The following MCC variants were observed in gnomAD, a reference collection of about 807,000 sequenced individuals.
The protein encoded by MCC is colorectal mutant cancer protein.
Under a neutral mutation model 116.2 loss-of-function variants are expected in MCC, and 90 were observed. That is an observed-to-expected ratio of 0.77 (90% CI 0.65 to 0.92). The LOEUF (loss-of-function observed/expected upper bound fraction) is 0.92, where lower values mean the gene tolerates loss of function less well. Ranked by LOEUF, MCC falls within the 40% of genes least tolerant of loss-of-function variation. MCC has a pLI of 0.00. For synonymous variants in MCC, 578 were observed against 510.5 expected (o/e 1.13, Z -1.78); for missense variants, 1,516 against 1,312.2 (o/e 1.16, Z -2.40).
At chr5:113,132,136 TTTGAGTTTTCTA>T (rs1019737285) in intron 5 of MCC, among the ~76,000 whole-genome samples, 1 of 151,822 alleles carries the variant, frequency 6.6e-6, no homozygotes, top group Admixed American at 6.6e-5. Flanking sequence ...ATTTTTTTCT[TTTGAGTTTTCTA>T]TTAACTGGAA....
rs114642755 is a variant in MCC, at chr5:113,231,821, T to A, written c.628-80399A>T. 4.0e-3 allele frequency among the ~76,000 whole-genome samples: 614 copies of A among 152,292 alleles called. 4 individuals carry two copies. Among genetic ancestry groups the A allele is most frequent in the African/African-American group, 0.014 (579 of 41,572 alleles). On this transcript the variant is annotated intron_variant, in intron 3 of 18. Transcript: ENST00000408903. ...CAGTGGGTTTTTGCAAGCTGTCATA[T>A]TTATTATAAGGCTATTTCACATAGT... is the stretch of plus-strand genomic sequence containing the variant.
chr5:113,109,972 T>C (rs1025101258), intron 6 of MCC, among the ~76,000 whole-genome samples: 12 of 152,188 alleles, frequency 7.9e-5, no homozygotes, highest in Non-Finnish European at 1.8e-4. Flanking sequence ...TACTTTATTT[T>C]TTTATTTTAA....
At chr5:113,064,984 T>G (rs1186621337) in intron 13 of MCC, among the ~76,000 whole-genome samples, 1 of 152,168 alleles carries the variant, frequency 6.6e-6, no homozygotes, top group Non-Finnish European at 1.5e-5. Context: ...AGCAAGACCC[T>G]GTCTCCAAAA....
intron 1 of MCC, among the ~76,000 whole-genome samples, chr5:113,419,228 C>T (rs907751317): frequency 4.0e-5 from 6 of 150,498 alleles, no homozygotes; most frequent in African/African-American, 1.2e-4. Context: ...TGGAGTGCAG[C>T]GGCGCTATCA....
At chr5:113,257,317 G>A (rs1360166912) in intron 3 of MCC, among the ~76,000 whole-genome samples, 1 of 152,118 alleles carries the variant, frequency 6.6e-6, no homozygotes, top group African/African-American at 2.4e-5. Context: ...AACCTCTAGA[G>A]AGTACAAGGA....
chr5:113,190,495 G>T (rs1350894872), intron 3 of MCC, among the ~76,000 whole-genome samples: 1 of 152,088 alleles, frequency 6.6e-6, no homozygotes, highest in Non-Finnish European at 1.5e-5. Flanking sequence ...CAAGGAGAAA[G>T]TCTCCAGATT....
At chr5:113,343,146 CT>C (rs1300748967) in intron 2 of MCC, among the ~76,000 whole-genome samples, 2 of 152,176 alleles carry the variant, frequency 1.3e-5, no homozygotes, top group African/African-American at 4.8e-5. Flanking sequence ...CCAGTCTCCT[CT>C]TATCAGGTAT....
chr5:113,224,903 T>C (rs1032345309), intron 3 of MCC, among the ~76,000 whole-genome samples: 5 of 152,024 alleles, frequency 3.3e-5, no homozygotes, highest in South Asian at 4.2e-4. Flanking sequence ...AGGCTGAAAA[T>C]TGAACAGAAG....
intron 11 of MCC, 27 bp downstream of exon 11, chr5:113,082,833 A>T (rs1489933888): frequency 6.2e-7 from 1 of 1,610,008 alleles, no homozygotes; most frequent in African/African-American, 1.3e-5. Context: ...CCTGCCCCAC[A>T]ATCAAATCGA....
At chr5:113,222,805 G>T (rs1489156780) in intron 3 of MCC, among the ~76,000 whole-genome samples, 1 of 152,188 alleles carries the variant, frequency 6.6e-6, no homozygotes, top group African/African-American at 2.4e-5. Context: ...TCCTCAAGGG[G>T]ACCACTGCAC....
intron 3 of MCC, among the ~76,000 whole-genome samples, chr5:113,163,007 T>G (rs10075902): frequency 0.045 from 6,853 of 152,234 alleles, 566 homozygotes; most frequent in African/African-American, 0.16. Context: ...TCAACACGTG[T>G]AATTGAATCA....
At chr5:113,193,371 C>T (rs761264311) in intron 3 of MCC, among the ~76,000 whole-genome samples, 11 of 151,658 alleles carry the variant, frequency 7.3e-5, no homozygotes, top group Non-Finnish European at 1.5e-4. Flanking sequence ...TGGGGGTGGG[C>T]AGGCATTCAA....
intron 6 of MCC, among the ~76,000 whole-genome samples, chr5:113,115,688 G>T (rs556300727): frequency 2.6e-4 from 40 of 152,064 alleles, no homozygotes; most frequent in Non-Finnish European, 4.9e-4. Flanking sequence ...AGTGGTTTCT[G>T]CCAGAACTTT....
chr5:113,384,985 C>T lies in MCC; in HGVS notation c.398G>A (p.Ser133Asn). The change falls in exon 2 of 19, where the codon AGC becomes AAC. Residue 133 changes from serine to asparagine, a missense_variant. By Grantham distance (46) the Ser-to-Asn change is conservative. Coordinates refer to ENST00000408903, the MANE Select transcript of MCC (RefSeq NM_001085377.2). ...ATACCTACCCAAACTGTTGTCACTG[C>T]TCGTGGGCCAGGAAGCAATTCTATC... is the stretch of plus-strand genomic sequence containing the variant. ...LRDRIASWPT[S>N]SDNSLGALSA... The T allele has an allele frequency of 6.2e-7, 1 of 1,614,192 alleles. No individual in the cohort carries two copies. The highest frequency in any genetic ancestry group is 1.1e-5 in the South Asian group (1 of 91,082).
chr5:113,040,755 T>A (rs529484198), intron 17 of MCC, among the ~76,000 whole-genome samples: 2 of 152,272 alleles, frequency 1.3e-5, no homozygotes, highest in African/African-American at 4.8e-5. Context: ...CTCTGTAAGT[T>A]TGTTCTTGGC....
intron 1 of MCC, among the ~76,000 whole-genome samples, chr5:113,410,483 T>C (rs976583132): frequency 6.6e-6 from 1 of 152,190 alleles, no homozygotes; most frequent in African/African-American, 2.4e-5. Flanking sequence ...TCAAAAAAAT[T>C]ATTCTTGGCT....
At chr5:113,481,565 C>T (rs1035184606) in intron 1 of MCC, among the ~76,000 whole-genome samples, 4 of 151,812 alleles carry the variant, frequency 2.6e-5, no homozygotes, top group African/African-American at 4.8e-5. Context: ...GGTGAAACCC[C>T]GTCTCTACTA....
At chr5:113,196,530 T>C (rs896630489) in intron 3 of MCC, among the ~76,000 whole-genome samples, 1 of 152,196 alleles carries the variant, frequency 6.6e-6, no homozygotes, top group African/African-American at 2.4e-5. Context: ...TATTTTGATG[T>C]ATAAGGGCTA....
rs201656670 is a variant in MCC, at chr5:113,185,129, TGAAGA to T, written c.628-33712_628-33708del. 1.0e-3 allele frequency among the ~76,000 whole-genome samples: 156 copies of T among 152,268 alleles called. 1 individual carries two copies. In the East Asian group the frequency reaches 0.028, roughly 27 times the overall value. On this transcript the variant is annotated intron_variant, in intron 3 of 18. Transcript: ENST00000408903. Reference sequence around the variant, plus strand: ...CACGATGGTTCAAACATCAACTTAATGAAGAGAGAGTGGGCATAAGGGGTTGAATT... The same window carrying T: ...CACGATGGTTCAAACATCAACTTAATGAGAGTGGGCATAAGGGGTTGAATT...
Sources: gnomAD v4.1 joint callset for allele counts (sites outside exome capture counted in the v4.1 genomes callset) on GRCh38, gnomAD v4.1.1 for gene constraint, MANE v1.5 for transcripts, NCBI Gene and HGNC (gene_info 2026-07-23, HGNC 2026-07-21) for gene names.